SGCG: variants seen among roughly 807,000 people sequenced by gnomAD.
SGCG encodes the protein gamma-sarcoglycan.
SGCG carries 26 observed loss-of-function variants against 29.3 expected under a neutral mutation model. The ratio of observed to expected loss-of-function variants is 0.89; its 90% CI spans 0.65 to 1.23. SGCG has a LOEUF of 1.23. SGCG is among the 50% of genes most tolerant of loss of function. The pLI, the probability that SGCG is intolerant of heterozygous loss-of-function variation, is 0.00. For missense variants in SGCG, 353 were observed against 356.0 expected (o/e 0.99, Z 0.07); for synonymous variants, 145 against 129.7 (o/e 1.12, Z -0.80).
intron 1 of SGCG, among the ~76,000 whole-genome samples, chr13:23,185,498 C>T (rs1862458061): frequency 2.0e-5 from 3 of 152,190 alleles, no homozygotes; most frequent in Admixed American, 2.0e-4. Flanking sequence ...TCCCCGATCA[C>T]TTTTAAATTC....
At chr13:23,190,092 G>C (rs517817) in intron 1 of SGCG, among the ~76,000 whole-genome samples, 100,169 of 151,762 alleles carry the variant, frequency 0.66, 33,830 homozygotes, top group African/African-American at 0.81. Flanking sequence ...ATAATGAGGG[G>C]AATCAATACT....
At chr13:23,297,271 G>A (rs1480966583) in intron 6 of SGCG, among the ~76,000 whole-genome samples, 3 of 150,254 alleles carry the variant, frequency 2.0e-5, no homozygotes, top group South Asian at 4.2e-4. Flanking sequence ...CTTGTTTGCC[G>A]AGACCAGCTC....
rs369029908 is a variant in SGCG at position 23,305,009 on chromosome 13, ACACAC to A, written c.578+9523_578+9527del. On this transcript the variant is annotated intron_variant, in intron 6 of 7. Transcript: ENST00000218867. The stretch of plus-strand genomic sequence containing the variant: ...GGCGTGCACGTGCTCACACACACAC[ACACAC>A]AAGACTTTGTACATCATTGAACATT... Among the ~76,000 whole-genome samples, 817 of 152,190 alleles carry A rather than the reference ACACAC, an allele frequency of 5.4e-3. 5 individuals are homozygous for A. The highest frequency in any genetic ancestry group is 0.019 in the African/African-American group (795 of 41,526).
At chr13:23,166,349 C>A in the SGCG span, among the ~76,000 whole-genome samples, 1 of 152,284 alleles carries the variant, frequency 6.6e-6, no homozygotes, top group South Asian at 2.1e-4. Flanking sequence ...GCACACGCCA[C>A]CAAGCCCAGC....
intron 3 of SGCG, among the ~76,000 whole-genome samples, chr13:23,242,366 C>T (rs892793632): frequency 1.3e-5 from 2 of 152,106 alleles, no homozygotes; most frequent in Non-Finnish European, 2.9e-5. Context: ...GTATTGATAA[C>T]TCCTATAGCA....
chr13:23,232,711 G>A (rs1452266270), intron 2 of SGCG, among the ~76,000 whole-genome samples: 1 of 152,136 alleles, frequency 6.6e-6, no homozygotes, highest in African/African-American at 2.4e-5. Flanking sequence ...GAACCCAGGA[G>A]GCGGAGCTTG....
intron 4 of SGCG, among the ~76,000 whole-genome samples, chr13:23,254,112 C>T (rs2137574939): frequency 6.6e-6 from 1 of 152,092 alleles, no homozygotes; most frequent in Admixed American, 6.6e-5. Context: ...TATAAAGATA[C>T]CTGAAGGTGT....
At chr13:23,317,913 G>C (rs1243453660) in intron 6 of SGCG, among the ~76,000 whole-genome samples, 1 of 152,124 alleles carries the variant, frequency 6.6e-6, no homozygotes, top group Non-Finnish European at 1.5e-5. Flanking sequence ...ATTATCATTG[G>C]AGTTAGTGGG....
chr13:23,262,549 A>G (rs1356989915), intron 4 of SGCG, among the ~76,000 whole-genome samples: 1 of 152,084 alleles, frequency 6.6e-6, no homozygotes, highest in Non-Finnish European at 1.5e-5. Context: ...AGACAGCAAA[A>G]CAATAACAGT....
At chr13:23,250,883 T>G (rs1179086192) in intron 4 of SGCG, among the ~76,000 whole-genome samples, 166 bp downstream of exon 4, 1 of 152,092 alleles carries the variant, frequency 6.6e-6, no homozygotes, top group Non-Finnish European at 1.5e-5. Flanking sequence ...CAGAGTGGGG[T>G]GGGGGGTGAG....
chr13:23,178,787 T>C (rs1300827381), upstream of SGCG, among the ~76,000 whole-genome samples: 1 of 152,208 alleles, frequency 6.6e-6, no homozygotes, highest in African/African-American at 2.4e-5. Context: ...TGAAATTCCT[T>C]GTTTTCACTG....
intron 1 of SGCG, among the ~76,000 whole-genome samples, chr13:23,202,374 A>T (rs940959311): frequency 6.6e-6 from 1 of 152,216 alleles, no homozygotes; most frequent in Non-Finnish European, 1.5e-5. Flanking sequence ...CATTCAGAGT[A>T]ACCTAAACTA....
At chr13:23,210,613 C>A (rs570332604) in intron 2 of SGCG, among the ~76,000 whole-genome samples, 1 of 152,106 alleles carries the variant, frequency 6.6e-6, no homozygotes, top group Non-Finnish European at 1.5e-5. Context: ...ATGCGGTGAA[C>A]CCGGGAGGCG....
At chr13:23,300,306 C>A (rs1461898100) in intron 6 of SGCG, among the ~76,000 whole-genome samples, 5 of 152,144 alleles carry the variant, frequency 3.3e-5, no homozygotes, top group Non-Finnish European at 7.4e-5. Flanking sequence ...CAGGTCCCAA[C>A]AATAAAGAGG....
At chr13:23,164,051 G>C in the SGCG span, among the ~76,000 whole-genome samples, 1 of 152,130 alleles carries the variant, frequency 6.6e-6, no homozygotes, top group African/African-American at 2.4e-5. Flanking sequence ...TCTCCTGGTA[G>C]GCCCTGCTGT....
intron 3 of SGCG, among the ~76,000 whole-genome samples, chr13:23,241,148 C>CAAAAAAA (rs150540516): frequency 2.1e-5 from 2 of 95,610 alleles, no homozygotes; most frequent in African/African-American, 4.2e-5. Flanking sequence ...GACTCCATCT[C>CAAAAAAA]AAAAAAAAAA....
intron 7 of SGCG, among the ~76,000 whole-genome samples, chr13:23,322,765 T>A (rs9552927): frequency 1.6e-5 from 1 of 61,442 alleles, no homozygotes; most frequent in Non-Finnish European, 3.1e-5. Flanking sequence ...CCCCCACCCA[T>A]CCACCTCCCC....
intron 2 of SGCG, among the ~76,000 whole-genome samples, chr13:23,224,843 ATAGAG>A (rs1392904228): frequency 3.9e-5 from 6 of 152,116 alleles, no homozygotes; most frequent in African/African-American, 1.4e-4. Context: ...AGATCATACA[ATAGAG>A]TAATTTCATC....
At chr13:23,295,382 T>C in intron 5 of SGCG, 33 bp from the exon 6 acceptor site, 1 of 1,498,618 alleles carries the variant, frequency 6.7e-7, no homozygotes, top group East Asian at 2.3e-5. Context: ...TTATTTTACT[T>C]CTGCTCCTGA....
Sources: allele counts gnomAD v4.1 joint callset (sites outside exome capture counted in the v4.1 genomes callset), GRCh38; gene constraint gnomAD v4.1.1; transcripts MANE v1.5; gene names NCBI Gene and HGNC (gene_info 2026-07-23, HGNC 2026-07-21).